The following PPWD1 variants were observed in gnomAD, a reference collection of about 807,000 sequenced individuals.
The protein encoded by PPWD1 is peptidylprolyl isomerase domain and WD repeat containing 1.
PPWD1 carries 43 observed loss-of-function variants against 68.8 expected under a neutral mutation model. That is an observed-to-expected ratio of 0.62 (90% CI 0.49 to 0.81). PPWD1 has a LOEUF of 0.81. Ranked by LOEUF, PPWD1 falls within the 30% of genes least tolerant of loss-of-function variation. The pLI, the probability that PPWD1 is intolerant of heterozygous loss-of-function variation, is 0.00. For missense variants in PPWD1, 672 were observed against 804.8 expected, an observed-to-expected ratio of 0.83 and a Z score of 2.00; for synonymous variants, 232 against 258.7, an observed-to-expected ratio of 0.90 and a Z score of 0.99.
chr5:65,578,837 G>GT (rs1470295056), intron 6 of PPWD1, among the ~76,000 whole-genome samples: 4 of 144,890 alleles, frequency 2.8e-5, no homozygotes, highest in Admixed American at 6.8e-5. Flanking sequence ...TAAAAAAAGA[G>GT]TTTTTTATAT....
At chr5:65,567,167 T>C (rs1050727135) in intron 1 of PPWD1, among the ~76,000 whole-genome samples, 25 of 152,112 alleles carry the variant, frequency 1.6e-4, no homozygotes, top group Admixed American at 6.5e-5. Context: ...CATGGAACTT[T>C]TTAATTTTTT....
intron 5 of PPWD1, chr5:65,576,468 C>T (rs154946): frequency 0.058 from 25,910 of 449,266 alleles, 954 homozygotes; most frequent in Non-Finnish European, 0.068. Flanking sequence ...CGTCTGCCTC[C>T]TAGGTTCAAG....
At position 65,574,512 on chromosome 5, in the gene PPWD1, G is replaced by A. The variant is rs140196698; in HGVS notation, c.969+2226G>A. Among the ~76,000 whole-genome samples, 253 of 139,172 alleles carry A rather than the reference G, an allele frequency of 1.8e-3. 6 individuals carry two copies. Among genetic ancestry groups the A allele is most frequent in the African/African-American group, 6.3e-3 (228 of 36,236 alleles). 91.3% of individuals were successfully genotyped at this position (139,172 alleles called of 152,430 possible). ...CGCCCTGTTGCCCAGGCCGGACTGC[G>A]GACTGTAGTGGCTCAATCGCGGCTC... On this transcript the variant is annotated intron_variant, in intron 5 of 10. Transcript: ENST00000261308.
intron 7 of PPWD1, among the ~76,000 whole-genome samples, chr5:65,580,211 G>A (rs1753531227): frequency 6.6e-6 from 1 of 152,092 alleles, no homozygotes; most frequent in Admixed American, 6.5e-5. Flanking sequence ...AAAGTATAGA[G>A]ACCTATGCCC....
intron 5 of PPWD1, among the ~76,000 whole-genome samples, chr5:65,572,791 A>C (rs1156978644): frequency 3.3e-5 from 5 of 152,100 alleles, no homozygotes; most frequent in Non-Finnish European, 4.4e-5. Flanking sequence ...GAGTCCTGCC[A>C]ATTTTGCTTT....
chr5:65,585,178 C>T (rs887298416), intron 9 of PPWD1, 83 bp downstream of exon 9: 3 of 1,340,280 alleles, frequency 2.2e-6, no homozygotes, highest in African/African-American at 1.5e-5. Context: ...ATCTTCTTCT[C>T]TCACACTTAA....
At position 65,580,793 on chromosome 5, in the gene PPWD1, C is replaced by T. The variant is rs572223922; in HGVS notation, c.1350+1180C>T. On this transcript the variant is annotated intron_variant, in intron 7 of 10. Transcript: ENST00000261308. ...CCTCCCAAAGTGCTGGAATTACAGGCGTGAGCCACCGCACCCAGCCTGGAA... is the reference window on the plus strand; with the variant it reads ...CCTCCCAAAGTGCTGGAATTACAGGTGTGAGCCACCGCACCCAGCCTGGAA... Among the ~76,000 whole-genome samples, 19 of 152,242 alleles carry T rather than the reference C, an allele frequency of 1.2e-4. 1 individual carries two copies. Among genetic ancestry groups the T allele is most frequent in the East Asian group, 7.7e-4 (4 of 5,178 alleles).
intron 5 of PPWD1, among the ~76,000 whole-genome samples, chr5:65,573,516 G>GGTTTTT (rs1753122667): frequency 6.5e-5 from 1 of 15,436 alleles, no homozygotes; most frequent in Admixed American, 8.1e-4. Flanking sequence ...AGTACAGATG[G>GGTTTTT]TTTTTTTTTT....
chr5:65,585,223 A>G (rs1485288801), intron 9 of PPWD1, 128 bp downstream of exon 9: 8 of 902,068 alleles, frequency 8.9e-6, no homozygotes, highest in Middle Eastern at 3.5e-4. Flanking sequence ...AAAATACACT[A>G]TGGAAGCCAA....
At chr5:65,564,200 T>C (rs1184118929) in intron 1 of PPWD1, among the ~76,000 whole-genome samples, 1 of 152,218 alleles carries the variant, frequency 6.6e-6, no homozygotes, top group East Asian at 1.9e-4. Flanking sequence ...TGTTATCTTG[T>C]TTTTCTGTGA....
chr5:65,567,416 C>T, intron 1 of PPWD1, 97 bp from the exon 2 acceptor site: 2 of 1,364,038 alleles, frequency 1.5e-6, no homozygotes, highest in South Asian at 1.9e-5. Context: ...GAGAAAATAC[C>T]AAGTAGAGTG....
Position 65,576,239 on chromosome 5 carries a change from T to C in PPWD1, c.970-640T>C, listed in dbSNP as rs572959668. On this transcript the variant is annotated intron_variant, in intron 5 of 10. Transcript: ENST00000261308. ...TTTAAAATTACCTATGTGGCTTGTG[T>C]TATATTTCATTGGAAAGTGCTACTC... 30 of 801,708 alleles carry C rather than the reference T, an allele frequency of 3.7e-5. No individual in the cohort carries two copies. The Admixed American group carries it at 6.9e-4, about 18-fold the overall frequency. The allele number at this position is 801,708 out of a possible 1,614,324, so 49.7% of individuals were successfully genotyped here.
At position 65,587,363 on chromosome 5, in the gene PPWD1, G is replaced by A. The variant is rs572158003; in HGVS notation, c.1908G>A (p.Glu636=). 12 of 1,611,022 alleles carry A rather than the reference G, an allele frequency of 7.4e-6. No homozygotes were observed. In the East Asian group the frequency reaches 1.8e-4, roughly 24 times the overall value. The change falls in exon 11 of 11, where the codon GAG becomes GAA. Residue 636 remains glutamate (E), a synonymous_variant. Transcript: ENST00000261308. ...KVNPKTDKPY[E]DVSIINITVK is the part of the protein sequence containing the mutation. ...ATCCCAAAACAGATAAGCCCTATGAGGATGTCAGCATCATAAATATTACTG... is the reference window on the plus strand; with the variant it reads ...ATCCCAAAACAGATAAGCCCTATGAAGATGTCAGCATCATAAATATTACTG...
At chr5:65,584,405 T>C (rs72762452) in intron 8 of PPWD1, among the ~76,000 whole-genome samples, 28,865 of 152,182 alleles carry the variant, frequency 0.19, 3,378 homozygotes, top group South Asian at 0.32. Context: ...GATTGTCATT[T>C]AAAGTTGAAT....
At chr5:65,586,284 T>G (rs1415224942) in intron 10 of PPWD1, 103 bp downstream of exon 10, 16 of 1,102,088 alleles carry the variant, frequency 1.5e-5, no homozygotes, top group Non-Finnish European at 2.0e-5. Flanking sequence ...TCTGCATTAT[T>G]TATATCATCT....
chr5:65,565,211 A>C (rs565401132), intron 1 of PPWD1, among the ~76,000 whole-genome samples: 5 of 152,372 alleles, frequency 3.3e-5, no homozygotes, highest in African/African-American at 1.2e-4. Context: ...GTAAACAAGT[A>C]AGAACCAGAA....
At position 65,569,974 on chromosome 5, in the gene PPWD1, A is replaced by G. The variant is rs778695962; in HGVS notation, c.497A>G (p.Asp166Gly). The change falls in exon 4 of 11, where the codon GAC (aspartate) becomes GGC (glycine). Residue 166 changes from aspartate (D) to glycine (G), a missense_variant. Transcript: ENST00000261308. ...AAGGTGTTTGATGTAGTGAACTTTGACATGATCAACATGCTGAAACTTGGG... is the reference window on the plus strand; with the variant it reads ...AAGGTGTTTGATGTAGTGAACTTTGGCATGATCAACATGCTGAAACTTGGG... ...AMKVFDVVNFDMINMLKLGYF... is the reference protein window; with the variant it reads ...AMKVFDVVNFGMINMLKLGYF... 10 of 1,611,358 alleles carry G rather than the reference A, an allele frequency of 6.2e-6. No individual in the cohort carries two copies. Among genetic ancestry groups the G allele is most frequent in the Non-Finnish European group, 7.6e-6 (9 of 1,178,312 alleles).
chr5:65,566,911 A>AT (rs1262963001), intron 1 of PPWD1, among the ~76,000 whole-genome samples: 9 of 148,492 alleles, frequency 6.1e-5, no homozygotes, highest in African/African-American at 2.2e-4. Context: ...TTTCAGGTGG[A>AT]TTTTTTCCAG....
chr5:65,579,856 T>C (rs2150604260), intron 7 of PPWD1, among the ~76,000 whole-genome samples: 1 of 152,390 alleles, frequency 6.6e-6, no homozygotes, highest in South Asian at 2.1e-4. Flanking sequence ...ATTTGTGTTG[T>C]TTTAGATAGT....
Sources: gnomAD v4.1 joint callset for allele counts (sites outside exome capture counted in the v4.1 genomes callset) on GRCh38, gnomAD v4.1.1 for gene constraint, MANE v1.5 for transcripts, NCBI Gene and HGNC (gene_info 2026-07-23, HGNC 2026-07-21) for gene names.